HYDIN: variants seen among roughly 807,000 people sequenced by gnomAD.
HYDIN encodes the protein axonemal central pair apparatus protein HYDIN.
A neutral mutation model predicts 403.9 loss-of-function variants in HYDIN; 132 were observed. The ratio of observed to expected loss-of-function variants is 0.33; its 90% CI spans 0.28 to 0.38. The LOEUF (loss-of-function observed/expected upper bound fraction) is 0.38. Ranked by LOEUF, HYDIN falls within the 10% of genes least tolerant of loss-of-function variation. The probability of loss-of-function intolerance (pLI) is 1.00; values close to 1 mark genes in which losing one functional copy is unlikely to be tolerated. For missense variants in HYDIN, 2,827 were observed against 5,009.5 expected, an observed-to-expected ratio of 0.56 and a Z score of 13.15; for synonymous variants, 1,202 against 1,891.7, an observed-to-expected ratio of 0.64 and a Z score of 9.46.
At chr16:70,820,281 C>G (rs1319070650) in intron 83 of HYDIN, among the ~76,000 whole-genome samples, 5 of 146,652 alleles carry the variant, frequency 3.4e-5, no homozygotes, top group Non-Finnish European at 6.0e-5. Flanking sequence ...AGCTCCCCCT[C>G]CTGGTTTCAT....
chr16:70,845,855 G>T lies in HYDIN; in HGVS notation c.12873+3871C>A, dbSNP rs929754832. Among the ~76,000 whole-genome samples, 2 of 139,030 alleles carry T rather than the reference G, an allele frequency of 1.4e-5. 1 individual carries two copies. The highest frequency in any genetic ancestry group is 3.0e-5 in the Non-Finnish European group (2 of 66,582). The allele number at this position is 139,030 out of a possible 152,430, so 91.2% of individuals were successfully genotyped here. On this transcript the variant is annotated intron_variant, in intron 75 of 85. Transcript: ENST00000393567. ...GAGGTGTTTGTAGTATTCTCTGATG[G>T]TAGTTTGTATTTCTGTGGGATCGGT...
intron 8 of HYDIN, among the ~76,000 whole-genome samples, chr16:71,136,715 T>C (rs1452889905): frequency 7.1e-6 from 1 of 141,028 alleles, no homozygotes; most frequent in Non-Finnish European, 1.5e-5. Context: ...TGTAGTGAGC[T>C]GAGATCGCGC....
chr16:70,943,945 G>A lies in HYDIN; in HGVS notation c.6536C>T (p.Ser2179Phe), dbSNP rs1344805203. ...HSHQSETPQI[S>F]SSPLPPGPIH... ...GGGCCCCGGGGGGAGAGGGCTGGAG[G>A]AAATCTGTTGAGTGGGAGAAGGATC... Residue 2179 changes from serine to phenylalanine, a missense_variant, in exon 42 of 86, where the codon TCC becomes TTC. Transcript: ENST00000393567. 1 of 1,600,940 alleles carries A rather than the reference G, an allele frequency of 6.2e-7. No individual in the cohort carries two copies.
chr16:70,951,327 T>C (rs1275403129), intron 41 of HYDIN, among the ~76,000 whole-genome samples: 1 of 151,892 alleles, frequency 6.6e-6, no homozygotes, highest in East Asian at 1.9e-4. Flanking sequence ...TATGAAGTTA[T>C]AGTTTCCAGT....
chr16:71,038,203 C>T (rs868719593), intron 18 of HYDIN, among the ~76,000 whole-genome samples: 2 of 152,272 alleles, frequency 1.3e-5, no homozygotes. Flanking sequence ...TCCGTGACCA[C>T]TGGTGATGAG....
At chr16:70,852,976 C>T (rs1343360744) in intron 73 of HYDIN, among the ~76,000 whole-genome samples, 2 of 148,856 alleles carry the variant, frequency 1.3e-5, no homozygotes, top group East Asian at 3.9e-4. Context: ...GAGCTCGAGA[C>T]CAGCCTGGCC....
At chr16:71,166,088 G>T (rs2086212789) in intron 5 of HYDIN, among the ~76,000 whole-genome samples, 2 of 148,328 alleles carry the variant, frequency 1.3e-5, no homozygotes, top group South Asian at 4.4e-4. Flanking sequence ...GGAAGCCACT[G>T]CTATAGTCCA....
rs913451819 is a variant in HYDIN, at chr16:70,980,402, G to A, written c.4510+989C>T. ...CACATCTGTAGTCCCAGCTCCTCAA[G>A]AAGCTGAAGCGGGAGGATCCCTTGA... is the stretch of plus-strand genomic sequence containing the variant. On this transcript the variant is annotated intron_variant, in intron 29 of 85. Coordinates refer to ENST00000393567, the MANE Select transcript of HYDIN (RefSeq NM_001270974.2). Among the ~76,000 whole-genome samples the A allele has an allele frequency of 3.7e-4, 56 of 151,852 alleles. 1 individual carries two copies. The highest frequency in any genetic ancestry group is 3.3e-4 in the Admixed American group (5 of 15,262).
At chr16:70,818,774 G>A (rs926351997) in intron 83 of HYDIN, among the ~76,000 whole-genome samples, 10 of 149,244 alleles carry the variant, frequency 6.7e-5, no homozygotes, top group Non-Finnish European at 1.5e-4. Flanking sequence ...CCTCCCAGAT[G>A]AGAGATTATT....
chr16:71,085,568 A>C (rs2082908604), intron 12 of HYDIN, among the ~76,000 whole-genome samples: 1 of 152,118 alleles, frequency 6.6e-6, no homozygotes, highest in African/African-American at 2.4e-5. Flanking sequence ...GACATCCCCT[A>C]CTATTTTGCT....
At chr16:70,943,274 CA>C (rs1246158132) in intron 42 of HYDIN, among the ~76,000 whole-genome samples, 1 of 152,072 alleles carries the variant, frequency 6.6e-6, no homozygotes, top group Non-Finnish European at 1.5e-5. Flanking sequence ...ACTTTAAAAG[CA>C]ATATGTCATT....
At chr16:70,812,910 C>T (rs1264579873) in intron 84 of HYDIN, among the ~76,000 whole-genome samples, 2 of 152,130 alleles carry the variant, frequency 1.3e-5, no homozygotes, top group Non-Finnish European at 2.9e-5. Context: ...GAAAAGATGG[C>T]ATGTCACTTC....
intron 19 of HYDIN, among the ~76,000 whole-genome samples, chr16:71,031,060 CGTG>C (rs1484412464): frequency 1.3e-5 from 2 of 149,880 alleles, no homozygotes; most frequent in African/African-American, 4.9e-5. Flanking sequence ...ATTAGCCAGG[CGTG>C]GTGGTGGGCA....
intron 18 of HYDIN, among the ~76,000 whole-genome samples, chr16:71,042,498 C>G (rs932755416): frequency 3.3e-5 from 5 of 152,130 alleles, no homozygotes; most frequent in African/African-American, 1.2e-4. Flanking sequence ...TCTCTTCATC[C>G]TCCCAATATA....
intron 75 of HYDIN, among the ~76,000 whole-genome samples, chr16:70,843,388 C>T (rs1378651340): frequency 7.4e-6 from 1 of 134,614 alleles, no homozygotes; most frequent in East Asian, 2.2e-4. Flanking sequence ...TTTTTTATGG[C>T]TGCATAGTAT....
At chr16:70,915,098 CT>C (rs2076798198) in intron 47 of HYDIN, among the ~76,000 whole-genome samples, 1 of 151,650 alleles carries the variant, frequency 6.6e-6, no homozygotes, top group African/African-American at 2.4e-5. Flanking sequence ...TGGTTACTCT[CT>C]GATTGGCTTA....
chr16:70,808,518 T>C lies in HYDIN; in HGVS notation c.14884-456A>G, dbSNP rs530051457. Among the ~76,000 whole-genome samples the C allele has an allele frequency of 2.7e-4, 41 of 152,186 alleles. 2 individuals are homozygous for C. The South Asian group carries it at 8.1e-3, about 30-fold the overall frequency. On this transcript the variant is annotated intron_variant, in intron 85 of 85. Coordinates refer to ENST00000393567, the MANE Select transcript of HYDIN (RefSeq NM_001270974.2). ...TGTCAGGGTCCTTTCACCACTCTAA[T>C]ACTGTACTGGAAATATTTGAGATGG...
At chr16:70,859,012 G>C (rs990756501) in intron 71 of HYDIN, among the ~76,000 whole-genome samples, 47 of 151,898 alleles carry the variant, frequency 3.1e-4, no homozygotes, top group African/African-American at 1.1e-3. Context: ...ATAGAACTTT[G>C]GAATTTTGGT....
rs764889674 is a variant in HYDIN, at chr16:70,863,075, C to T, written c.11569+10G>A. On this transcript the variant is annotated intron_variant, in intron 68 of 85. Coordinates refer to ENST00000393567, the MANE Select transcript of HYDIN (RefSeq NM_001270974.2). Reference sequence around the variant, plus strand: ...GCCAGGCCCTGGGTTTTACTTGCCACTGAATTTACCTTGGTGATCTGGTTT... The same window carrying T: ...GCCAGGCCCTGGGTTTTACTTGCCATTGAATTTACCTTGGTGATCTGGTTT... 1.9e-6 allele frequency: 3 copies of T among 1,613,926 alleles called. No individual in the cohort carries two copies. The highest frequency in any genetic ancestry group is 2.5e-6 in the Non-Finnish European group (3 of 1,179,864).
Sources: allele counts gnomAD v4.1 joint callset (sites outside exome capture counted in the v4.1 genomes callset), GRCh38; gene constraint gnomAD v4.1.1; transcripts MANE v1.5; gene names NCBI Gene and HGNC (gene_info 2026-07-23, HGNC 2026-07-21).